Variants in CNTNAP5 observed in about 807,000 individuals in gnomAD.
CNTNAP5 encodes contactin-associated protein-like 5.
CNTNAP5 carries 72 observed loss-of-function variants against 150.2 expected under a neutral mutation model. The observed-to-expected ratio is 0.48, with a 90% CI of 0.40 to 0.58. CNTNAP5 has a LOEUF of 0.58. Among genes scored for constraint, CNTNAP5 ranks in the 20% least tolerant of loss-of-function variants. CNTNAP5 has a pLI of 0.00. For missense variants in CNTNAP5, 1,636 were observed against 1,626.2 expected (o/e 1.01, Z -0.10); for synonymous variants, 672 against 619.8 (o/e 1.08, Z -1.25).
chr2:124,720,993 C>T (rs980882784), intron 13 of CNTNAP5, among the ~76,000 whole-genome samples: 28 of 152,036 alleles, frequency 1.8e-4, no homozygotes, highest in African/African-American at 6.3e-4. Context: ...TGGCACATTC[C>T]TCTGCTTCTG....
chr2:124,562,969 C>A (rs1695928472), intron 10 of CNTNAP5, among the ~76,000 whole-genome samples: 1 of 152,150 alleles, frequency 6.6e-6, no homozygotes, highest in South Asian at 2.1e-4. Flanking sequence ...ATATTAACAT[C>A]CTTAACTTAA....
intron 1 of CNTNAP5, among the ~76,000 whole-genome samples, chr2:124,052,453 T>A (rs1014423722): frequency 6.6e-6 from 1 of 152,208 alleles, no homozygotes; most frequent in South Asian, 2.1e-4. Flanking sequence ...GATGTTTACG[T>A]TATTCCCTCT....
chr2:124,527,276 G>C lies in CNTNAP5; in HGVS notation c.1478-9G>C. The C allele has an allele frequency of 6.2e-7, 1 of 1,609,128 alleles. No individual in the cohort carries two copies. Among genetic ancestry groups the C allele is most frequent in the Non-Finnish European group, 8.5e-7 (1 of 1,177,682 alleles). ...GCATTCTTCTTCATCTTTTTTCTCTGTCCCACAGGGTGCCCCGACAATCTC... is the reference window on the plus strand; with the variant it reads ...GCATTCTTCTTCATCTTTTTTCTCTCTCCCACAGGGTGCCCCGACAATCTC... On this transcript the variant is annotated splice_polypyrimidine_tract_variant and intron_variant, in intron 9 of 23. Coordinates refer to ENST00000682447, the MANE Select transcript of CNTNAP5 (RefSeq NM_001367498.1).
chr2:124,694,025 C>G (rs1679353851), intron 13 of CNTNAP5, among the ~76,000 whole-genome samples: 2 of 152,010 alleles, frequency 1.3e-5, no homozygotes, highest in Non-Finnish European at 1.5e-5. Flanking sequence ...GTATAAACAA[C>G]TGTGTACACA....
At chr2:124,581,033 A>G (rs528556810) in intron 11 of CNTNAP5, among the ~76,000 whole-genome samples, 1 of 152,274 alleles carries the variant, frequency 6.6e-6, no homozygotes. Flanking sequence ...CTGAAGGATT[A>G]TAGAATGTGA....
intron 3 of CNTNAP5, among the ~76,000 whole-genome samples, chr2:124,366,632 TA>T (rs1326867488): frequency 6.6e-6 from 1 of 152,152 alleles, no homozygotes; most frequent in Non-Finnish European, 1.5e-5. Flanking sequence ...TGCCCAATTC[TA>T]CCCCTCCAGG....
intron 12 of CNTNAP5, among the ~76,000 whole-genome samples, chr2:124,618,100 C>T (rs1177215314): frequency 6.6e-6 from 1 of 152,170 alleles, no homozygotes; most frequent in East Asian, 1.9e-4. Flanking sequence ...ATCAAATTGA[C>T]TTGAGCAGCA....
intron 2 of CNTNAP5, among the ~76,000 whole-genome samples, chr2:124,236,250 G>T (rs1686744368): frequency 6.6e-6 from 1 of 152,186 alleles, no homozygotes; most frequent in Admixed American, 6.5e-5. Flanking sequence ...ACAGGCGTGA[G>T]CCAAGTTCCC....
chr2:124,697,579 A>G (rs543805874), intron 13 of CNTNAP5, among the ~76,000 whole-genome samples: 1 of 150,122 alleles, frequency 6.7e-6, no homozygotes, highest in Non-Finnish European at 1.5e-5. Context: ...GAGTAATTTG[A>G]TGAAAAGATC....
At chr2:124,472,535 A>T (rs1198849385) in intron 6 of CNTNAP5, among the ~76,000 whole-genome samples, 1 of 151,002 alleles carries the variant, frequency 6.6e-6, no homozygotes, top group Non-Finnish European at 1.5e-5. Context: ...AATTGATTTC[A>T]TATTAATTAT....
intron 5 of CNTNAP5, among the ~76,000 whole-genome samples, chr2:124,443,854 T>G (rs1299835206): frequency 7.6e-6 from 1 of 131,490 alleles, no homozygotes; most frequent in Non-Finnish European, 1.6e-5. Flanking sequence ...GTGTGTGTGA[T>G]GTATAATGAC....
chr2:124,319,748 T>C (rs1015232925), intron 3 of CNTNAP5, among the ~76,000 whole-genome samples: 1 of 152,078 alleles, frequency 6.6e-6, no homozygotes, highest in Admixed American at 6.6e-5. Flanking sequence ...TAGATGCCAG[T>C]AGCACCTTTC....
At position 124,917,448 on chromosome 2, in the gene CNTNAP5, G is replaced by A. The variant is rs978370077; in HGVS notation, c.*3160G>A. ...TGCCATCTTTATGAAAATTTGTCTG[G>A]AGAAATAGACATTTGTCATTTCTAT... On this transcript the variant is annotated 3_prime_UTR_variant, in exon 24 of 24. Coordinates refer to ENST00000682447, the MANE Select transcript of CNTNAP5 (RefSeq NM_001367498.1). Among the ~76,000 whole-genome samples, 1 of 152,036 alleles carries A rather than the reference G, an allele frequency of 6.6e-6. No homozygotes were observed. The highest frequency in any genetic ancestry group is 2.4e-5 in the African/African-American group (1 of 41,420).
At chr2:124,361,590 T>C (rs2104715404) in intron 3 of CNTNAP5, among the ~76,000 whole-genome samples, 1 of 142,110 alleles carries the variant, frequency 7.0e-6, no homozygotes, top group East Asian at 2.0e-4. Context: ...AGTGTGCCCC[T>C]GCTGGGGGAT....
chr2:124,919,318 A>G lies in CNTNAP5; in HGVS notation c.*5030A>G, dbSNP rs927183423. On this transcript the variant is annotated 3_prime_UTR_variant, in exon 24 of 24. Transcript: ENST00000682447. ...TATTTTTCAGTGATTATTTTATCTT[A>G]TTTTGCACTAAGGTACTCTGAGGAA... 2.0e-5 allele frequency among the ~76,000 whole-genome samples: 3 copies of G among 152,036 alleles called. No homozygotes were observed. Among genetic ancestry groups the G allele is most frequent in the Non-Finnish European group, 4.4e-5 (3 of 67,980 alleles).
In CNTNAP5 at chr2:124,902,919, T is replaced by C. The variant is rs746718825; in HGVS notation, c.3474T>C (p.Asn1158=). ...TGGATTCTGAAGTTGCTAAAGCAAA[T>C]GCCATGGGTTTTGCTGGATGCATGT... is the stretch of plus-strand genomic sequence containing the variant. ...LGLDSEVAKA[N]AMGFAGCMSS... is the part of the protein sequence containing the mutation. Residue 1158 remains asparagine, a synonymous_variant, in exon 22 of 24, where the codon AAT becomes AAC. Transcript: ENST00000682447. 6.2e-7 allele frequency: 1 copy of C among 1,611,906 alleles called. No homozygotes were observed. The highest frequency in any genetic ancestry group is 8.5e-7 in the Non-Finnish European group (1 of 1,178,374).
At chr2:124,723,195 C>G (rs1474238559) in intron 13 of CNTNAP5, among the ~76,000 whole-genome samples, 1 of 152,196 alleles carries the variant, frequency 6.6e-6, no homozygotes, top group African/African-American at 2.4e-5. Context: ...GTCAAAAAAT[C>G]TAGGCCATAG....
At chr2:124,187,234 GC>G (rs1478517431) in intron 1 of CNTNAP5, among the ~76,000 whole-genome samples, 2 of 152,184 alleles carry the variant, frequency 1.3e-5, no homozygotes, top group Non-Finnish European at 2.9e-5. Flanking sequence ...ACATGATTAT[GC>G]TTTGGTTATA....
At chr2:124,512,168 C>G (rs1019729081) in intron 8 of CNTNAP5, among the ~76,000 whole-genome samples, 1 of 151,660 alleles carries the variant, frequency 6.6e-6, no homozygotes, top group African/African-American at 2.4e-5. Context: ...GTGAACATCT[C>G]TTTAGAAGGC....
Sources: gnomAD v4.1 joint callset for allele counts (sites outside exome capture counted in the v4.1 genomes callset) on GRCh38, gnomAD v4.1.1 for gene constraint, MANE v1.5 for transcripts, NCBI Gene and HGNC (gene_info 2026-07-23, HGNC 2026-07-21) for gene names.